USP48: variants seen among roughly 807,000 people sequenced by gnomAD.
The protein encoded by USP48 is ubiquitin carboxyl-terminal hydrolase 48.
USP48 carries 43 observed loss-of-function variants against 150.7 expected under a neutral mutation model. The ratio of observed to expected loss-of-function variants is 0.29; its 90% CI spans 0.22 to 0.37. The LOEUF is 0.37. Among genes scored for constraint, USP48 ranks in the 10% least tolerant of loss-of-function variants. The pLI, the probability that USP48 is intolerant of heterozygous loss-of-function variation, is 1.00. For missense variants in USP48, 813 were observed against 1,249.6 expected (o/e 0.65, Z 5.27); for synonymous variants, 396 against 425.9 (o/e 0.93, Z 0.86).
At chr1:21,742,996 C>T (rs333176) in intron 8 of USP48, among the ~76,000 whole-genome samples, 11,622 of 152,118 alleles carry the variant, frequency 0.076, 499 homozygotes, top group Middle Eastern at 0.11. Flanking sequence ...GTGTTTTTAA[C>T]GTTTAAAGTG....
chr1:21,741,317 G>T (rs1464249036), intron 8 of USP48, among the ~76,000 whole-genome samples: 1 of 152,228 alleles, frequency 6.6e-6, no homozygotes, highest in Non-Finnish European at 1.5e-5. Context: ...CAGGCCTCTT[G>T]TAGAGACAAG....
chr1:21,759,602 G>A (rs1342256968), intron 1 of USP48, among the ~76,000 whole-genome samples: 1 of 152,182 alleles, frequency 6.6e-6, no homozygotes, highest in Non-Finnish European at 1.5e-5. Flanking sequence ...GAAAGATGGT[G>A]GAGACATGTC....
chr1:21,779,725 G>C (rs938544852), intron 1 of USP48, among the ~76,000 whole-genome samples: 1 of 152,074 alleles, frequency 6.6e-6, no homozygotes, highest in African/African-American at 2.4e-5. Context: ...TCTATCAGCA[G>C]ATGAATGCAA....
chr1:21,740,786 A>G (rs2097779818), intron 8 of USP48, among the ~76,000 whole-genome samples: 1 of 152,258 alleles, frequency 6.6e-6, no homozygotes, highest in Non-Finnish European at 1.5e-5. Flanking sequence ...TGATGAAATT[A>G]AGAGGAATAG....
At position 21,724,042 on chromosome 1, in the gene USP48, T is replaced by C; in HGVS notation, c.1504A>G (p.Thr502Ala). ...EWLQKWLDES[T>A]PTKPIDNHAC... ...TGATTATCAATAGGTTTGGTAGGTG[T>C]TGATTCATCCAACCACTTTTGCAGC... Residue 502 changes from threonine (T) to alanine (A), a missense_variant, in exon 12 of 27, where the codon ACA (threonine) becomes GCA (alanine). Coordinates refer to ENST00000308271, the MANE Select transcript of USP48 (RefSeq NM_032236.8). 3 of 1,614,208 alleles carry C rather than the reference T, an allele frequency of 1.9e-6. No homozygotes were observed. Among genetic ancestry groups the C allele is most frequent in the Non-Finnish European group, 1.7e-6 (2 of 1,180,034 alleles).
rs1287796431 is a variant in USP48 at position 21,721,732 on chromosome 1, G to A, written c.1681C>T (p.Arg561Cys). 2 of 1,606,448 alleles carry A rather than the reference G, an allele frequency of 1.2e-6. No individual in the cohort carries two copies. The highest frequency in any genetic ancestry group is 1.7e-6 in the Non-Finnish European group (2 of 1,175,412). ...TTCTTCAGACGCAATATGCGACAAC[G>A]TTCTACTACACATTCCTTACACAGG... ...KALCKECVVE[R>C]CRILRLKNQL... The change falls in exon 13 of 27, where the codon CGT becomes TGT. Residue 561 changes from arginine to cysteine, a missense_variant. Coordinates refer to ENST00000308271, the MANE Select transcript of USP48 (RefSeq NM_032236.8).
intron 1 of USP48, among the ~76,000 whole-genome samples, chr1:21,759,499 T>C (rs1269925647): frequency 6.6e-6 from 1 of 152,160 alleles, no homozygotes; most frequent in Admixed American, 6.6e-5. Flanking sequence ...AAGAATCCCG[T>C]GCTCCTTGGA....
intron 8 of USP48, among the ~76,000 whole-genome samples, chr1:21,743,886 G>T (rs1248771452): frequency 2.0e-5 from 3 of 152,082 alleles, no homozygotes; most frequent in Admixed American, 2.0e-4. Flanking sequence ...ACTATAGAAG[G>T]ACAAGGCAAG....
At chr1:21,751,206 AC>A (rs1308295851) in intron 6 of USP48, among the ~76,000 whole-genome samples, 2 of 152,176 alleles carry the variant, frequency 1.3e-5, no homozygotes, top group Non-Finnish European at 2.9e-5. Context: ...AAGGTAAAAT[AC>A]CTTTATGATA....
At chr1:21,766,552 A>T (rs1186776486) in intron 1 of USP48, among the ~76,000 whole-genome samples, 1 of 152,140 alleles carries the variant, frequency 6.6e-6, no homozygotes, top group Non-Finnish European at 1.5e-5. Context: ...TGAGTGGAAA[A>T]TTTATAATCA....
At position 21,752,532 on chromosome 1, in the gene USP48, T is replaced by G; in HGVS notation, c.660A>C (p.Val220=). The G allele has an allele frequency of 6.2e-7, 1 of 1,609,148 alleles. No individual in the cohort carries two copies. Among genetic ancestry groups the G allele is most frequent in the Non-Finnish European group, 8.5e-7 (1 of 1,179,044 alleles). The change falls in exon 5 of 27, where the codon GTA becomes GTC. Residue 220 remains valine (V), a synonymous_variant. Coordinates refer to ENST00000308271, the MANE Select transcript of USP48 (RefSeq NM_032236.8). ...AAAAGTTGAAACAGACTTACACAGTTACATAGGCATATTCTCCACAGAACT... is the reference window on the plus strand; with the variant it reads ...AAAAGTTGAAACAGACTTACACAGTGACATAGGCATATTCTCCACAGAACT... ...QQQFCGEYAY[V]TVCNQCGRES...
chr1:21,687,112 A>C, intron 25 of USP48, 79 bp downstream of exon 25: 9 of 1,353,178 alleles, frequency 6.7e-6, no homozygotes, highest in Non-Finnish European at 9.4e-6. Context: ...AAAGCACTGT[A>C]CACTAAAGCT....
intron 22 of USP48, among the ~76,000 whole-genome samples, chr1:21,699,192 A>ATTTTTT (rs71016932): frequency 7.9e-5 from 5 of 63,612 alleles, no homozygotes; most frequent in African/African-American, 1.2e-4. Context: ...ACCACACCTA[A>ATTTTTT]TTTTTTTTTT....
chr1:21,706,432 A>G (rs201901664), intron 17 of USP48, 35 bp downstream of exon 17: 33 of 1,612,588 alleles, frequency 2.0e-5, no homozygotes, highest in Non-Finnish European at 2.5e-5. Context: ...TTAAAAAGAA[A>G]AGATGCATTC....
At chr1:21,733,760 CAA>C (rs1039373683) in intron 9 of USP48, among the ~76,000 whole-genome samples, 4 of 151,578 alleles carry the variant, frequency 2.6e-5, no homozygotes, top group African/African-American at 9.7e-5. Context: ...CAAATAAAAC[CAA>C]GACATAATTT....
chr1:21,773,916 C>A (rs1220662994), intron 1 of USP48, among the ~76,000 whole-genome samples: 1 of 151,774 alleles, frequency 6.6e-6, no homozygotes, highest in Non-Finnish European at 1.5e-5. Context: ...GGTGGAAGGA[C>A]TGCTTGAAGC....
intron 12 of USP48, 70 bp from the exon 13 acceptor site, chr1:21,721,834 A>G: frequency 1.7e-6 from 2 of 1,159,320 alleles, no homozygotes; most frequent in Non-Finnish European, 1.2e-6. Flanking sequence ...AAATGTTTTC[A>G]GCACTTCACA....
chr1:21,741,064 A>C (rs1055436730), intron 8 of USP48, among the ~76,000 whole-genome samples: 2 of 152,258 alleles, frequency 1.3e-5, no homozygotes, highest in Non-Finnish European at 2.9e-5. Flanking sequence ...GAGAAGAGAA[A>C]AAGCATTCAG....
At chr1:21,686,293 C>T (rs1420372500) in intron 25 of USP48, 2 of 152,132 alleles carry the variant, frequency 1.3e-5, no homozygotes, top group Non-Finnish European at 2.9e-5. Context: ...TTAAGCTTTT[C>T]GCCATTAGGT....
Sources: allele counts gnomAD v4.1 joint callset (sites outside exome capture counted in the v4.1 genomes callset), GRCh38; gene constraint gnomAD v4.1.1; transcripts MANE v1.5; gene names NCBI Gene and HGNC (gene_info 2026-07-23, HGNC 2026-07-21).